Variants in PEX26 observed in about 807,000 individuals in gnomAD.
The protein encoded by PEX26 is peroxisomal biogenesis factor 26.
A neutral mutation model predicts 31.4 loss-of-function variants in PEX26; 18 were observed. The ratio of observed to expected loss-of-function variants is 0.57; its 90% CI spans 0.40 to 0.85. The LOEUF (loss-of-function observed/expected upper bound fraction) is 0.85, where lower values mean the gene tolerates loss of function less well. Ranked by LOEUF, PEX26 falls within the 40% of genes least tolerant of loss-of-function variation. PEX26 has a pLI of 0.00. For synonymous variants in PEX26, 176 were observed against 166.9 expected (o/e 1.05, Z -0.42); for missense variants, 377 against 383.9 (o/e 0.98, Z 0.15).
rs997742965 is a variant in PEX26, at chr22:18,092,631, C to T, written c.*4556C>T. ...CGGTTGATTTTCTTTCAGCTTTTTT[C>T]CCCCTAATTAATTAACTAATTCTTT... On this transcript the variant is annotated 3_prime_UTR_variant, in exon 5 of 5. Coordinates refer to ENST00000399744, the MANE Select transcript of PEX26 (RefSeq NM_001127649.3). 1.6e-4 allele frequency: 25 copies of T among 151,842 alleles called. No homozygotes were observed. Among genetic ancestry groups the T allele is most frequent in the Non-Finnish European group, 7.4e-5 (5 of 67,974 alleles). 9.4% of individuals were successfully genotyped at this position (151,842 alleles called of 1,614,324 possible).
intron 3 of PEX26, among the ~76,000 whole-genome samples, chr22:18,084,237 C>CTTTTT (rs362041): frequency 2.2e-4 from 21 of 95,318 alleles, no homozygotes; most frequent in African/African-American, 2.3e-4. Context: ...ATCTCTCTCT[C>CTTTTT]TTTTTTTTTT....
In PEX26 at chr22:18,089,832, G is replaced by A. The variant is rs1288103388; in HGVS notation, c.*1757G>A. ...TTCTCCTGCCTCAGCCTCCCGAGTA[G>A]CTGGGACTACAGGTGCCCACCACCT... is the stretch of plus-strand genomic sequence containing the variant. On this transcript the variant is annotated 3_prime_UTR_variant, in exon 5 of 5. Transcript: ENST00000399744. The A allele has an allele frequency of 6.6e-6, 1 of 152,260 alleles. No homozygotes were observed. The highest frequency in any genetic ancestry group is 1.5e-5 in the Non-Finnish European group (1 of 68,138). The allele number at this position is 152,260 out of a possible 1,614,324, so 9.4% of individuals were successfully genotyped here. A position where few individuals can be genotyped will look rare whatever the true frequency, so the allele number is the denominator to read the frequency against.
chr22:18,081,255 C>T (rs995692378), intron 2 of PEX26, among the ~76,000 whole-genome samples: 2 of 149,204 alleles, frequency 1.3e-5, no homozygotes, highest in African/African-American at 5.1e-5. Flanking sequence ...TACACACACA[C>T]ACACACACAC....
chr22:18,090,915 A>T lies in PEX26; in HGVS notation c.*2840A>T, dbSNP rs1927071931. On this transcript the variant is annotated 3_prime_UTR_variant, in exon 5 of 5. Transcript: ENST00000399744. Reference sequence around the variant, plus strand: ...TAGGAAGGGGCTAGAAGGGATGAGGAAATAGTTCATAGCTTCGTGCAGGTG... The same window carrying T: ...TAGGAAGGGGCTAGAAGGGATGAGGTAATAGTTCATAGCTTCGTGCAGGTG... The T allele has an allele frequency of 6.6e-6, 1 of 152,212 alleles. No homozygotes were observed. Among genetic ancestry groups the T allele is most frequent in the Admixed American group, 6.6e-5 (1 of 15,266 alleles). The allele number at this position is 152,212 out of a possible 1,614,324, so 9.4% of individuals were successfully genotyped here.
Position 18,079,845 on chromosome 22 carries a change from C to A in PEX26, c.231-29C>A, listed in dbSNP as rs779575496. On this transcript the variant is annotated intron_variant, in intron 1 of 4. Transcript: ENST00000399744. ...GAATGGAAATGGAGGGGAACCACTTCTAACTGAAATTGGTTTTTCTGCTGA... is the reference window on the plus strand; with the variant it reads ...GAATGGAAATGGAGGGGAACCACTTATAACTGAAATTGGTTTTTCTGCTGA... 9 of 1,613,780 alleles carry A rather than the reference C, an allele frequency of 5.6e-6. No homozygotes were observed. The Admixed American group carries it at 1.5e-4, about 27-fold the overall frequency.
rs1927383884 is a variant in PEX26 at position 18,099,282 on chromosome 22, A to C, written c.*11207A>C. 6.6e-6 allele frequency: 1 copy of C among 152,166 alleles called. No homozygotes were observed. The highest frequency in any genetic ancestry group is 6.5e-5 in the Admixed American group (1 of 15,268). 9.4% of individuals were successfully genotyped at this position (152,166 alleles called of 1,614,324 possible). A position where few individuals can be genotyped will look rare whatever the true frequency, so the allele number is the denominator to read the frequency against. On this transcript the variant is annotated 3_prime_UTR_variant, in exon 5 of 5. Transcript: ENST00000399744. Reference sequence around the variant, plus strand: ...TGAATTTGTGAGGCAATATTGCTGGAGTCAAAACCAAAAAATCAAATTGAC... The same window carrying C: ...TGAATTTGTGAGGCAATATTGCTGGCGTCAAAACCAAAAAATCAAATTGAC...
intron 1 of PEX26, chr22:18,079,301 G>A (rs913448485): frequency 3.4e-5 from 29 of 854,034 alleles, no homozygotes; most frequent in African/African-American, 5.5e-5. Flanking sequence ...GTTAGGCCAC[G>A]CTAGGGAGGT....
chr22:18,087,113 T>C (rs1926871964), intron 4 of PEX26, among the ~76,000 whole-genome samples: 1 of 152,084 alleles, frequency 6.6e-6, no homozygotes, highest in Admixed American at 6.6e-5. Context: ...AGAGTCTTGC[T>C]CTGTTGCCCA....
At chr22:18,079,253 G>T in intron 1 of PEX26, 10 of 985,116 alleles carry the variant, frequency 1.0e-5, no homozygotes, top group Non-Finnish European at 1.2e-5. Context: ...GCCTCGTCTG[G>T]CAGGTGAGGG....
At chr22:18,086,543 G>A (rs531504239) in intron 4 of PEX26, among the ~76,000 whole-genome samples, 7 of 152,306 alleles carry the variant, frequency 4.6e-5, no homozygotes, top group Admixed American at 2.0e-4. Context: ...CTGCCTCGCT[G>A]TGAAGAAGGA....
At position 18,098,268 on chromosome 22, in the gene PEX26, T is replaced by G. The variant is rs1045772551; in HGVS notation, c.*10193T>G. ...TAGCTTTCTAGATATAGGATTGGAC[T>G]GGTTTTGGTTCTGGCTCTGTTACTA... is the stretch of plus-strand genomic sequence containing the variant. On this transcript the variant is annotated 3_prime_UTR_variant, in exon 5 of 5. Coordinates refer to ENST00000399744, the MANE Select transcript of PEX26 (RefSeq NM_001127649.3). The G allele has an allele frequency of 2.6e-5, 4 of 152,144 alleles. No individual in the cohort carries two copies. Among genetic ancestry groups the G allele is most frequent in the Admixed American group, 2.6e-4 (4 of 15,270 alleles). The allele number at this position is 152,144 out of a possible 1,614,324, so 9.4% of individuals were successfully genotyped here.
At chr22:18,084,478 C>G (rs144463455) in intron 3 of PEX26, among the ~76,000 whole-genome samples, 1 of 151,834 alleles carries the variant, frequency 6.6e-6, no homozygotes, top group Non-Finnish European at 1.5e-5. Context: ...CTCCTGACCT[C>G]GTGATCTGGC....
At chr22:18,083,827 C>A in intron 3 of PEX26, 95 bp downstream of exon 3, 1 of 1,163,842 alleles carries the variant, frequency 8.6e-7, no homozygotes, top group Non-Finnish European at 1.3e-6. Flanking sequence ...AGCTTAGAAG[C>A]AGTTCTTTGT....
Position 18,079,191 on chromosome 22 carries a change from A to G in PEX26, c.230+585A>G, listed in dbSNP as rs1186995143. 8 of 984,860 alleles carry G rather than the reference A, an allele frequency of 8.1e-6. No individual in the cohort carries two copies. In the South Asian group the frequency reaches 3.3e-4, roughly 41 times the overall value. 61.0% of individuals were successfully genotyped at this position (984,860 alleles called of 1,614,324 possible). On this transcript the variant is annotated intron_variant, in intron 1 of 4. Transcript: ENST00000399744. ...CTCTACCAAAAAGAAGAAAAAGAAA[A>G]GAATCCGGAGAAAAAAACCTTGGGC...
intron 4 of PEX26, among the ~76,000 whole-genome samples, chr22:18,086,819 A>T (rs1926859734): frequency 6.6e-6 from 1 of 152,054 alleles, no homozygotes; most frequent in African/African-American, 2.4e-5. Flanking sequence ...TTGTTAACTT[A>T]GTCTTTAGAT....
Position 18,088,655 on chromosome 22 carries a change from A to C in PEX26, c.*580A>C, listed in dbSNP as rs1429107900. ...TTAGCTAGATGTGGTGCACGCCTAT[A>C]GTCCTAGCTACTTGGGAGGCTGAGG... On this transcript the variant is annotated 3_prime_UTR_variant, in exon 5 of 5. Coordinates refer to ENST00000399744, the MANE Select transcript of PEX26 (RefSeq NM_001127649.3). The surrounding 1 kb of genome is among the most constrained non-coding windows in gnomAD (Gnocchi z 4.1). 1 of 184,318 alleles carries C rather than the reference A, an allele frequency of 5.4e-6. No individual in the cohort carries two copies. Among genetic ancestry groups the C allele is most frequent in the African/African-American group, 2.4e-5 (1 of 42,256 alleles). The allele number at this position is 184,318 out of a possible 1,614,324, so 11.4% of individuals were successfully genotyped here.
rs1407609905 is a variant in PEX26 at position 18,090,209 on chromosome 22, G to C, written c.*2134G>C. On this transcript the variant is annotated 3_prime_UTR_variant, in exon 5 of 5. Coordinates refer to ENST00000399744, the MANE Select transcript of PEX26 (RefSeq NM_001127649.3). The stretch of plus-strand genomic sequence containing the variant: ...GAATGATTTCTTAAAATGAAAATCT[G>C]GGCCCACTTAACTACCCTAGATAAA... 6.6e-6 allele frequency: 1 copy of C among 152,150 alleles called. No homozygotes were observed. The highest frequency in any genetic ancestry group is 1.5e-5 in the Non-Finnish European group (1 of 68,024). The allele number at this position is 152,150 out of a possible 1,614,324, so 9.4% of individuals were successfully genotyped here. A position where few individuals can be genotyped will look rare whatever the true frequency, so the allele number is the denominator to read the frequency against.
chr22:18,084,587 T>C (rs886176540), intron 3 of PEX26, among the ~76,000 whole-genome samples: 1 of 152,020 alleles, frequency 6.6e-6, no homozygotes, highest in African/African-American at 2.4e-5. Context: ...AAAGATGCAT[T>C]CAATATAGTA....
chr22:18,078,447 C>T lies in PEX26; in HGVS notation c.71C>T (p.Pro24Leu), dbSNP rs771847925. The T allele has an allele frequency of 6.3e-6, 10 of 1,577,934 alleles. No individual in the cohort carries two copies. The highest frequency in any genetic ancestry group is 1.3e-5 in the African/African-American group (1 of 74,300). Residue 24 changes from proline to leucine, a missense_variant, in exon 1 of 5, where the codon CCG becomes CTG. Coordinates refer to ENST00000399744, the MANE Select transcript of PEX26 (RefSeq NM_001127649.3). ...GLGGPLRSSEPVRAVPARAPA... is the reference protein window; with the variant it reads ...GLGGPLRSSELVRAVPARAPA... ...GGGGGACCCCTGCGCAGCAGCGAGC[C>T]GGTGCGCGCGGTCCCGGCCCGGGCG...
Sources: gnomAD v4.1 joint callset for allele counts (sites outside exome capture counted in the v4.1 genomes callset) on GRCh38, gnomAD v4.1.1 for gene constraint, Gnocchi (gnomAD v3.1) non-coding constraint, MANE v1.5 for transcripts, NCBI Gene and HGNC (gene_info 2026-07-23, HGNC 2026-07-21) for gene names.